NBPF9: variants seen among roughly 807,000 people sequenced by gnomAD.
NBPF9 encodes NBPF member 9.
Under a neutral mutation model 97.8 loss-of-function variants are expected in NBPF9, and 91 were observed. The observed-to-expected ratio is 0.93, with a 90% CI of 0.79 to 1.11. The LOEUF (loss-of-function observed/expected upper bound fraction) is 1.11. Among genes scored for constraint, NBPF9 ranks in the 50% least tolerant of loss-of-function variants. The probability of loss-of-function intolerance (pLI) is 0.00; values close to 1 mark genes in which losing one functional copy is unlikely to be tolerated. For missense variants in NBPF9, 992 were observed against 939.5 expected, an observed-to-expected ratio of 1.06 and a Z score of -0.73; for synonymous variants, 334 against 359.5, an observed-to-expected ratio of 0.93 and a Z score of 0.80.
At chr1:149,099,538 A>G (rs1553662754) in intron 3 of NBPF9, among the ~76,000 whole-genome samples, 1 of 152,348 alleles carries the variant, frequency 6.6e-6, no homozygotes, top group East Asian at 1.9e-4. Flanking sequence ...GGTGAATAAG[A>G]GACAAAATCT....
intron 8 of NBPF9, among the ~76,000 whole-genome samples, chr1:149,079,664 G>A (rs1267242960): frequency 6.6e-6 from 1 of 150,942 alleles, no homozygotes; most frequent in Non-Finnish European, 1.5e-5. Context: ...GGTCGAGAAG[G>A]CAACATTGAT....
intron 4 of NBPF9, among the ~76,000 whole-genome samples, chr1:149,097,603 A>T (rs2081870480): frequency 6.6e-6 from 1 of 151,838 alleles, no homozygotes; most frequent in Non-Finnish European, 1.5e-5. Context: ...ACTGGCTCCC[A>T]CTCCCCCAGG....
At chr1:149,087,793 G>C (rs1416430666) in intron 5 of NBPF9, among the ~76,000 whole-genome samples, 1 of 127,880 alleles carries the variant, frequency 7.8e-6, no homozygotes, top group Non-Finnish European at 1.7e-5. Flanking sequence ...TGTAGTTTTT[G>C]TTGTACTGGC....
At chr1:149,097,708 G>A (rs1375925191) in intron 4 of NBPF9, among the ~76,000 whole-genome samples, 2 of 152,082 alleles carry the variant, frequency 1.3e-5, no homozygotes, top group Non-Finnish European at 1.5e-5. Flanking sequence ...CCATGGGGTA[G>A]TGACCTGAGA....
exon 30 of NBPF9, chr1:149,055,610 A>G: frequency 6.2e-7 from 1 of 1,610,772 alleles, no homozygotes; most frequent in Non-Finnish European, 8.5e-7. Context: ...ACGTGCCTAT[A>G]GGTCCTGCCT....
At chr1:149,058,745 A>G (rs2078403726) in intron 26 of NBPF9, 180 bp downstream of exon 26, 2 of 560,888 alleles carry the variant, frequency 3.6e-6, no homozygotes, top group East Asian at 3.2e-5. Context: ...TTGCTCACTG[A>G]CCCATTTCAT....
exon 16 of NBPF9, chr1:149,071,086 C>G: frequency 6.2e-7 from 1 of 1,610,276 alleles, no homozygotes; most frequent in Non-Finnish European, 8.5e-7. Context: ...AGTGATGGCA[C>G]ATTCCTCCAG....
chr1:149,060,699 G>C lies in NBPF9; in HGVS notation c.2304-4C>G, dbSNP rs1284007336. The C allele has an allele frequency of 2.8e-6, 1 of 352,390 alleles. No individual in the cohort carries two copies. The highest frequency in any genetic ancestry group is 5.0e-6 in the Non-Finnish European group (1 of 201,130). The allele number at this position is 352,390 out of a possible 1,614,324, so 21.8% of individuals were successfully genotyped here. ...CTCCAGCAGCTCCCTGCTGAGCCTG[G>C]AAAAGGAGGAAAAAGTAAAGAATAA... is the stretch of plus-strand genomic sequence containing the variant. On this transcript the variant is annotated splice_polypyrimidine_tract_variant and splice_region_variant and intron_variant, in intron 23 of 29. Transcript: ENST00000584027.
chr1:149,061,009 C>A, intron 23 of NBPF9: 1 of 414,180 alleles, frequency 2.4e-6, no homozygotes, highest in Non-Finnish European at 4.4e-6. Context: ...TGAGTTAGTG[C>A]CCTCAGGACA....
rs782168740 is a variant in NBPF9, at chr1:149,062,209, C to A, written c.2135G>T (p.Gly712Val). 1.1e-4 allele frequency: 113 copies of A among 1,027,958 alleles called. 1 individual carries two copies. In the South Asian group the frequency reaches 1.4e-3, roughly 13 times the overall value. The allele number at this position is 1,027,958 out of a possible 1,614,324, so 63.7% of individuals were successfully genotyped here. The stretch of plus-strand genomic sequence containing the variant: ...ACCTGAAGGAGTCGAATACCATCTA[C>A]CCAGTGAGTCCTGCAAGACTTCAGG... The change falls in exon 22 of 30, where the codon GGT becomes GTT. Residue 712 changes from glycine (G) to valine (V), a missense_variant. This residue lies in a region of NBPF9 where 397 missense variants were observed against 213.6 expected (regional missense o/e 1.86). Coordinates refer to ENST00000584027, the Ensembl canonical transcript of NBPF9.
chr1:149,073,539 C>G (rs369805269), intron 13 of NBPF9, among the ~76,000 whole-genome samples: 1 of 147,558 alleles, frequency 6.8e-6, no homozygotes, highest in African/African-American at 2.5e-5. Flanking sequence ...TTCACATCAA[C>G]AATTACTTGT....
chr1:149,056,133 G>T (rs1428485391), intron 29 of NBPF9, among the ~76,000 whole-genome samples: 3 of 151,960 alleles, frequency 2.0e-5, no homozygotes, highest in Admixed American at 1.3e-4. Context: ...GAGAGAAAGT[G>T]AGCTAGTGAA....
intron 18 of NBPF9, chr1:149,064,944 A>G (rs1252219832): frequency 1.3e-5 from 7 of 533,286 alleles, no homozygotes; most frequent in South Asian, 4.2e-5. Flanking sequence ...AGCATCAGCT[A>G]TTATGGCTTT....
At chr1:149,055,415 T>C (rs12124487) in exon 30 of NBPF9, 3 of 684,190 alleles carry the variant, frequency 4.4e-6, no homozygotes, top group South Asian at 3.9e-5. Flanking sequence ...TTAAAATGTC[T>C]GACTGATCAC....
At chr1:149,095,649 G>C (rs1451280513) in intron 4 of NBPF9, among the ~76,000 whole-genome samples, 1 of 141,036 alleles carries the variant, frequency 7.1e-6, no homozygotes. Context: ...AAAGGTGAAA[G>C]ATCTGAACAC....
At chr1:149,056,000 A>C in intron 29 of NBPF9, 101 bp from the exon 30 acceptor site, 1 of 1,573,842 alleles carries the variant, frequency 6.4e-7, no homozygotes, top group Non-Finnish European at 8.6e-7. Context: ...TTAGAAAAGA[A>C]AAAGGATAGA....
At chr1:149,073,857 A>C in exon 13 of NBPF9, 6 of 1,421,840 alleles carry the variant, frequency 4.2e-6, no homozygotes, top group Non-Finnish European at 5.9e-6. Flanking sequence ...TGAGGTCTTT[A>C]CACTCTTCAT....
In NBPF9 at chr1:149,059,865, C is replaced by A. The variant is rs1228640936; in HGVS notation, c.2477-57G>T. ...TAAGCTGATTCCCCTACACATATAA[C>A]AATCCACTGTCTAATCCTCACACAG... On this transcript the variant is annotated intron_variant, in intron 24 of 29. Coordinates refer to ENST00000584027, the Ensembl canonical transcript of NBPF9. 61 of 519,362 alleles carry A rather than the reference C, an allele frequency of 1.2e-4. 9 individuals carry two copies. The highest frequency in any genetic ancestry group is 8.4e-4 in the African/African-American group (33 of 39,490). 32.2% of individuals were successfully genotyped at this position (519,362 alleles called of 1,614,324 possible).
At chr1:149,096,051 C>A (rs1301597514) in intron 4 of NBPF9, among the ~76,000 whole-genome samples, 14 of 152,018 alleles carry the variant, frequency 9.2e-5, no homozygotes, top group Admixed American at 3.3e-4. Context: ...GCTGTCAAGT[C>A]ATGAAAAGAC....
Sources: allele counts gnomAD v4.1 joint callset (sites outside exome capture counted in the v4.1 genomes callset), GRCh38; gene constraint gnomAD v4.1.1; regional missense constraint gnomAD v4.1.1; transcripts MANE v1.5; gene names NCBI Gene and HGNC (gene_info 2026-07-23, HGNC 2026-07-21).